Variants in GRID2IP observed in about 807,000 individuals in gnomAD.
GRID2IP encodes delphilin.
In GRID2IP, 78 loss-of-function variants were observed where a neutral mutation model predicts 114.3. That is an observed-to-expected ratio of 0.68 (90% CI 0.57 to 0.82). The LOEUF (loss-of-function observed/expected upper bound fraction) is 0.82, where lower values mean the gene tolerates loss of function less well. Among genes scored for constraint, GRID2IP ranks in the 40% least tolerant of loss-of-function variants. GRID2IP has a pLI of 0.00. For synonymous variants in GRID2IP, 809 were observed against 724.0 expected, an observed-to-expected ratio of 1.12 and a Z score of -1.89; for missense variants, 1,727 against 1,678.5, an observed-to-expected ratio of 1.03 and a Z score of -0.51.
chr7:6,515,494 C>T (rs139589384), intron 7 of GRID2IP, among the ~76,000 whole-genome samples: 92 of 150,994 alleles, frequency 6.1e-4, no homozygotes, highest in African/African-American at 2.0e-3. Context: ...ACATATAGAG[C>T]AGGCCAGGCA....
intron 1 of GRID2IP, among the ~76,000 whole-genome samples, chr7:6,549,788 G>T (rs889921563): frequency 6.3e-5 from 9 of 143,656 alleles, no homozygotes; most frequent in South Asian, 2.2e-4. Context: ...CACCTGGCTG[G>T]TTTTTTTTTT....
At chr7:6,541,389 C>T (rs1779813500) in intron 1 of GRID2IP, among the ~76,000 whole-genome samples, 1 of 152,198 alleles carries the variant, frequency 6.6e-6, no homozygotes, top group African/African-American at 2.4e-5. Flanking sequence ...CACTCCCTTC[C>T]ATACTGTGCG....
chr7:6,512,085 T>A (rs1779180280), intron 8 of GRID2IP, among the ~76,000 whole-genome samples: 1 of 147,236 alleles, frequency 6.8e-6, no homozygotes, highest in Non-Finnish European at 1.5e-5. Flanking sequence ...ATTTTTGTAT[T>A]TTTTTTTTTT....
intron 1 of GRID2IP, among the ~76,000 whole-genome samples, chr7:6,550,565 C>G (rs1039008813): frequency 2.0e-5 from 3 of 150,060 alleles, no homozygotes; most frequent in Non-Finnish European, 4.4e-5. Flanking sequence ...AATCCCAGCA[C>G]TTTGGGAGGC....
At chr7:6,510,808 T>C (rs979795417) in intron 9 of GRID2IP, 100 bp downstream of exon 9, 2 of 1,473,114 alleles carry the variant, frequency 1.4e-6, no homozygotes, top group East Asian at 5.1e-5. Flanking sequence ...TCCTGAGCCC[T>C]GCTTAGCCCC....
At position 6,518,927 on chromosome 7, in the gene GRID2IP, G is replaced by GT. The variant is rs796082441; in HGVS notation, c.1268+1650dup. Among the ~76,000 whole-genome samples the GT allele has an allele frequency of 2.8e-3, 421 of 149,414 alleles. 4 individuals carry two copies. Among genetic ancestry groups the GT allele is most frequent in the East Asian group, 3.6e-3 (18 of 5,040 alleles). On this transcript the variant is annotated intron_variant, in intron 7 of 21. Coordinates refer to ENST00000457091, the MANE Select transcript of GRID2IP (RefSeq NM_001145118.2). ...AAGCACAGTTTTTTTTTGTTTTTTTGTTTTTTTTTGAGACGAAGTCTCATT... is the reference window on the plus strand; with the variant it reads ...AAGCACAGTTTTTTTTTGTTTTTTTGTTTTTTTTTTGAGACGAAGTCTCATT...
intron 20 of GRID2IP, among the ~76,000 whole-genome samples, chr7:6,498,510 C>T (rs1249556143): frequency 6.6e-6 from 1 of 151,778 alleles, no homozygotes; most frequent in African/African-American, 2.4e-5. Context: ...GAGGCTTCCA[C>T]TGCCACCTTC....
At chr7:6,549,133 A>G (rs1779930414) in intron 1 of GRID2IP, among the ~76,000 whole-genome samples, 1 of 152,162 alleles carries the variant, frequency 6.6e-6, no homozygotes, top group South Asian at 2.1e-4. Context: ...GGTAGCTGTA[A>G]CCATACTAGG....
intron 2 of GRID2IP, chr7:6,531,099 C>G: frequency 7.3e-6 from 4 of 550,738 alleles, no homozygotes; most frequent in Non-Finnish European, 1.3e-5. Flanking sequence ...TGGTCCTTCC[C>G]CATCTGGAGC....
chr7:6,510,742 C>T, intron 9 of GRID2IP, 36 bp from the exon 10 acceptor site: 1 of 1,522,256 alleles, frequency 6.6e-7, no homozygotes, highest in South Asian at 1.2e-5. Context: ...TATCTGAGCT[C>T]TACGGCTCAG....
Position 6,516,054 on chromosome 7 carries a change from G to A in GRID2IP, c.1269-1525C>T, listed in dbSNP as rs1237858314. ...GGAGGTTGCAGTGAGCTGAGATCGC[G>A]CCATTGCACTCCAGCCTGGGTGACA... On this transcript the variant is annotated intron_variant, in intron 7 of 21. Coordinates refer to ENST00000457091, the MANE Select transcript of GRID2IP (RefSeq NM_001145118.2). This position sits in a 1 kb window ranked among gnomAD's most constrained non-coding sequence, Gnocchi z 4.3. Among the ~76,000 whole-genome samples, 4 of 151,924 alleles carry A rather than the reference G, an allele frequency of 2.6e-5. No individual in the cohort carries two copies. The highest frequency in any genetic ancestry group is 6.6e-5 in the Admixed American group (1 of 15,212).
chr7:6,539,087 G>A (rs1007187106), intron 2 of GRID2IP, among the ~76,000 whole-genome samples: 1 of 151,438 alleles, frequency 6.6e-6, no homozygotes, highest in Admixed American at 6.6e-5. Flanking sequence ...TCCTGTTGGA[G>A]ATTTTTACAA....
rs540601856 is a variant in GRID2IP at position 6,516,897 on chromosome 7, T to C, written c.1269-2368A>G. On this transcript the variant is annotated intron_variant, in intron 7 of 21. Transcript: ENST00000457091. This position sits in a 1 kb window ranked among gnomAD's most constrained non-coding sequence, Gnocchi z 4.3. ...GTGACTCACATGACCTTACCTATCA[T>C]TGGAGATGACTCTCACTCCATACCC... is the stretch of plus-strand genomic sequence containing the variant. Among the ~76,000 whole-genome samples the C allele has an allele frequency of 2.9e-4, 44 of 152,244 alleles. No homozygotes were observed. In the East Asian group the frequency reaches 5.2e-3, roughly 18 times the overall value.
At position 6,520,617 on chromosome 7, in the gene GRID2IP, T is replaced by A; in HGVS notation, c.1229A>T (p.Tyr410Phe). ...LEHLLTPPER[Y>F]GVCRALESFF... Reference sequence around the variant, plus strand: ...GCTCTCGAGGGCCCGGCAGACCCCATAGCGCTCAGGAGGTGTGAGTAGGTG... The same window carrying A: ...GCTCTCGAGGGCCCGGCAGACCCCAAAGCGCTCAGGAGGTGTGAGTAGGTG... Residue 410 changes from tyrosine to phenylalanine, a missense_variant, in exon 7 of 22, where the codon TAT becomes TTT. Physicochemically the swap from Tyr to Phe is conservative, Grantham distance 22 (BLOSUM62 3). Transcript: ENST00000457091. The surrounding 1 kb of genome is among the most constrained non-coding windows in gnomAD (Gnocchi z 4.6). 6.4e-7 allele frequency: 1 copy of A among 1,551,650 alleles called. No individual in the cohort carries two copies. The highest frequency in any genetic ancestry group is 1.2e-5 in the South Asian group (1 of 84,062).
intron 20 of GRID2IP, 122 bp from the exon 21 acceptor site, chr7:6,498,350 A>G (rs1044808852): frequency 2.3e-5 from 20 of 885,806 alleles, no homozygotes; most frequent in Non-Finnish European, 3.4e-5. Flanking sequence ...TCCAAGGGCC[A>G]GGCCCTGTGT....
chr7:6,504,517 C>T (rs368600109), intron 15 of GRID2IP, among the ~76,000 whole-genome samples: 1 of 145,176 alleles, frequency 6.9e-6, no homozygotes, highest in African/African-American at 2.6e-5. Flanking sequence ...GGGGTCGGGC[C>T]AGGGACTAGG....
At chr7:6,513,614 C>T (rs988827948) in intron 8 of GRID2IP, among the ~76,000 whole-genome samples, 3 of 152,146 alleles carry the variant, frequency 2.0e-5, no homozygotes, top group African/African-American at 7.2e-5. Flanking sequence ...ACTGAGACTG[C>T]AGGTGGTTAG....
In GRID2IP at chr7:6,498,194, G is replaced by C; in HGVS notation, c.3434C>G (p.Ala1145Gly). The C allele has an allele frequency of 1.9e-6, 3 of 1,548,898 alleles. No homozygotes were observed. The South Asian group carries it at 3.6e-5, about 18-fold the overall frequency. ...FLETAQPALR[A>G]LDGLQREAME... ...GGCCTCGCGCTGCAGCCCGTCGAGC[G>C]CCCGAAGTGCTGGCTGGGCCGTCTC... Residue 1145 changes from alanine (A) to glycine (G), a missense_variant, in exon 21 of 22, where the codon GCG becomes GGG. Transcript: ENST00000457091.
Position 6,501,849 on chromosome 7 carries a change from T to C in GRID2IP, c.3331A>G (p.Ser1111Gly). The part of the protein sequence containing the change: ...SDLADLHGTI[S>G]EIQDACQSIS... ...CTCTGGCAGGCATCCTGTATCTCGC[T>C]GATAGTGCCATGGAGGTCAGCCAGG... The change falls in exon 20 of 22, where the codon AGC becomes GGC. Residue 1111 changes from serine (S) to glycine (G), a missense_variant. Coordinates refer to ENST00000457091, the MANE Select transcript of GRID2IP (RefSeq NM_001145118.2). The C allele has an allele frequency of 6.4e-7, 1 of 1,551,552 alleles. No homozygotes were observed. The highest frequency in any genetic ancestry group is 1.2e-5 in the South Asian group (1 of 84,066).
Sources: allele counts gnomAD v4.1 joint callset (sites outside exome capture counted in the v4.1 genomes callset), GRCh38; gene constraint gnomAD v4.1.1; non-coding constraint Gnocchi (gnomAD v3.1); transcripts MANE v1.5; gene names NCBI Gene and HGNC (gene_info 2026-07-23, HGNC 2026-07-21).